Variants in FMN1 observed in about 807,000 individuals in gnomAD.
FMN1 encodes the protein formin-1.
FMN1 carries 110 observed loss-of-function variants against 132.4 expected under a neutral mutation model. The ratio of observed to expected loss-of-function variants is 0.83; its 90% CI spans 0.71 to 0.97. FMN1 has a LOEUF of 0.97. Among genes scored for constraint, FMN1 ranks in the 50% least tolerant of loss-of-function variants. The pLI is 0.00. For missense variants in FMN1, 1,792 were observed against 1,705.3 expected (o/e 1.05, Z -0.90); for synonymous variants, 722 against 651.7 (o/e 1.11, Z -1.64).
chr15:33,154,605 AGCTC>A lies in FMN1; in HGVS notation c.306_309del (p.Ser103GlnfsTer21). 6.5e-7 allele frequency: 1 copy of A among 1,536,014 alleles called. No individual in the cohort carries two copies. The highest frequency in any genetic ancestry group is 8.7e-7 in the Non-Finnish European group (1 of 1,146,906). Reference sequence around the variant, plus strand: ...ATCGTGATCCCCAGGATGTGGTCTGAGCTCAGGAGATTGGTTAGCAGTCTCTCCC... The same window carrying A: ...ATCGTGATCCCCAGGATGTGGTCTGAAGGAGATTGGTTAGCAGTCTCTCCC... On this transcript the variant is annotated frameshift_variant, in exon 4 of 21. Transcript: ENST00000616417. LOFTEE classifies it high-confidence loss of function.
intron 2 of FMN1, among the ~76,000 whole-genome samples, chr15:33,182,267 G>A (rs139341310): frequency 5.8e-4 from 89 of 152,340 alleles, no homozygotes; most frequent in Middle Eastern, 3.4e-3. Context: ...GCTCATTCAA[G>A]TGGGTTCTTA....
At chr15:32,903,482 G>T (rs2060345632) in intron 12 of FMN1, among the ~76,000 whole-genome samples, 2 of 152,170 alleles carry the variant, frequency 1.3e-5, no homozygotes, top group Admixed American at 1.3e-4. Context: ...TGGGGAAGAC[G>T]TATTTATTCA....
At chr15:32,791,642 G>A (rs1010510854) in intron 19 of FMN1, among the ~76,000 whole-genome samples, 2 of 152,182 alleles carry the variant, frequency 1.3e-5, no homozygotes, top group Non-Finnish European at 2.9e-5. Flanking sequence ...TCCTGAATCA[G>A]AGCAGAGACA....
At chr15:32,981,483 A>T (rs944199183) in intron 7 of FMN1, among the ~76,000 whole-genome samples, 4 of 150,250 alleles carry the variant, frequency 2.7e-5, no homozygotes, top group Non-Finnish European at 5.9e-5. Context: ...GCGCCACTGC[A>T]CTCCAGCCTG....
chr15:32,976,717 A>G (rs139715001), intron 7 of FMN1, among the ~76,000 whole-genome samples: 27 of 152,338 alleles, frequency 1.8e-4, no homozygotes, highest in Middle Eastern at 3.4e-3. Flanking sequence ...ATAGAGAAAC[A>G]GGGCAGGAAA....
chr15:32,789,889 G>A (rs1359574614), intron 19 of FMN1, among the ~76,000 whole-genome samples: 1 of 152,152 alleles, frequency 6.6e-6, no homozygotes, highest in Non-Finnish European at 1.5e-5. Context: ...TGCCGTACAG[G>A]TTTGCAGCCT....
chr15:32,871,147 G>A (rs1220489555), intron 16 of FMN1, among the ~76,000 whole-genome samples: 2 of 152,056 alleles, frequency 1.3e-5, no homozygotes, highest in Non-Finnish European at 2.9e-5. Context: ...GGAGAGCAGC[G>A]ACTAACTTCT....
chr15:32,866,441 T>A (rs761686755), intron 16 of FMN1, among the ~76,000 whole-genome samples: 11 of 152,240 alleles, frequency 7.2e-5, no homozygotes, highest in Middle Eastern at 3.4e-3. Context: ...AGCCAAAATA[T>A]TCTTCAGCTA....
chr15:32,786,398 T>G (rs1266737719), intron 19 of FMN1, among the ~76,000 whole-genome samples: 1 of 152,186 alleles, frequency 6.6e-6, no homozygotes, highest in Non-Finnish European at 1.5e-5. Context: ...CTACCCAATA[T>G]AGCTTTGCTC....
chr15:33,085,558 T>C (rs2038656456), intron 5 of FMN1, among the ~76,000 whole-genome samples: 2 of 149,368 alleles, frequency 1.3e-5, no homozygotes, highest in African/African-American at 4.9e-5. Context: ...AAATTATACA[T>C]ATATACATAT....
At chr15:32,792,730 G>A (rs1482084230) in intron 19 of FMN1, among the ~76,000 whole-genome samples, 1 of 152,106 alleles carries the variant, frequency 6.6e-6, no homozygotes, top group Non-Finnish European at 1.5e-5. Flanking sequence ...TCCAGCTCAT[G>A]CTATTTAATA....
In FMN1 at chr15:32,969,324, C is replaced by T. The variant is rs1249325030; in HGVS notation, c.2377G>A (p.Asp793Asn). ...ERKDVCISTD[D>N]DCPPKTFRNV... ...CTGAAGGTCTTTGGAGGGCAGTCAT[C>T]ATCGGTGGAAATGCACACATCTTTC... Residue 793 changes from aspartate (D) to asparagine (N), a missense_variant, in exon 8 of 21, where the codon GAT becomes AAT. Physicochemically the swap from Asp to Asn is conservative, Grantham distance 23. Coordinates refer to ENST00000616417, the MANE Select transcript of FMN1 (RefSeq NM_001277313.2). 2 of 1,613,864 alleles carry T rather than the reference C, an allele frequency of 1.2e-6. No individual in the cohort carries two copies. Among genetic ancestry groups the T allele is most frequent in the Non-Finnish European group, 1.7e-6 (2 of 1,179,884 alleles).
rs138535548 is a variant in FMN1, at chr15:32,936,490, GCT to G, written c.3139-10231_3139-10230del. On this transcript the variant is annotated intron_variant, in intron 9 of 20. Coordinates refer to ENST00000616417, the MANE Select transcript of FMN1 (RefSeq NM_001277313.2). ...GGTTTTTCAGGAGCTCATAATCCCT[GCT>G]CTCTCTAGTGTCTGTCTATGGTACT... Among the ~76,000 whole-genome samples, 430 of 152,254 alleles carry G rather than the reference GCT, an allele frequency of 2.8e-3. 1 individual carries two copies. The highest frequency in any genetic ancestry group is 0.01 in the African/African-American group (416 of 41,534).
chr15:32,787,721 T>C (rs2056927528), intron 19 of FMN1, among the ~76,000 whole-genome samples: 1 of 152,088 alleles, frequency 6.6e-6, no homozygotes, highest in Non-Finnish European at 1.5e-5. Context: ...GGCATGATGA[T>C]GTGTGTCTGT....
chr15:33,048,644 A>AAAAAAAAAAACAAAAACAAAAAC, intron 6 of FMN1, among the ~76,000 whole-genome samples: 2 of 86,920 alleles, frequency 2.3e-5, no homozygotes, highest in African/African-American at 4.1e-5. Flanking sequence ...AAAAAAAAAA[A>AAAAAAAAAAACAAAAACAAAAAC]AAAAACCAAC....
At chr15:33,047,908 A>C (rs1216464557) in intron 6 of FMN1, among the ~76,000 whole-genome samples, 1 of 152,156 alleles carries the variant, frequency 6.6e-6, no homozygotes, top group African/African-American at 2.4e-5. Context: ...TAAATGAAAA[A>C]TCTTACAACT....
rs1024826789 is a variant in FMN1 at position 32,969,580 on chromosome 15, C to A, written c.2224-103G>T. The stretch of plus-strand genomic sequence containing the variant: ...CATCATGGTGCCACTGTAGCATGGC[C>A]CACATAAATGCAGGGAAATACAGAG... On this transcript the variant is annotated intron_variant, in intron 7 of 20. Coordinates refer to ENST00000616417, the MANE Select transcript of FMN1 (RefSeq NM_001277313.2). The A allele has an allele frequency of 4.0e-6, 5 of 1,246,356 alleles. No homozygotes were observed. In the African/African-American group the frequency reaches 7.5e-5, roughly 19 times the overall value. 77.2% of individuals were successfully genotyped at this position (1,246,356 alleles called of 1,614,324 possible).
chr15:33,138,276 T>A (rs1284733752), intron 4 of FMN1, among the ~76,000 whole-genome samples: 1 of 152,192 alleles, frequency 6.6e-6, no homozygotes, highest in African/African-American at 2.4e-5. Context: ...TTCTATCGAG[T>A]AACCTAAAGA....
rs141094318 is a variant in FMN1 at position 32,859,879 on chromosome 15, A to T, written c.3836-2772T>A. 8.0e-3 allele frequency among the ~76,000 whole-genome samples: 1,222 copies of T among 152,110 alleles called. 19 individuals carry two copies. Among genetic ancestry groups the T allele is most frequent in the East Asian group, 0.03 (156 of 5,160 alleles). On this transcript the variant is annotated intron_variant, in intron 16 of 20. Coordinates refer to ENST00000616417, the MANE Select transcript of FMN1 (RefSeq NM_001277313.2). ...AGTGAGACCTTGTCTCTCAAAAAAAATTTTTTAAGTTATCCAGGCATGATG... is the reference window on the plus strand; with the variant it reads ...AGTGAGACCTTGTCTCTCAAAAAAATTTTTTTAAGTTATCCAGGCATGATG...
Sources: allele counts gnomAD v4.1 joint callset (sites outside exome capture counted in the v4.1 genomes callset), GRCh38; gene constraint gnomAD v4.1.1; transcripts MANE v1.5; gene names NCBI Gene and HGNC (gene_info 2026-07-23, HGNC 2026-07-21).